MAF: variants seen among roughly 807,000 people sequenced by gnomAD.
MAF encodes the protein MAF bZIP transcription factor.
MAF carries 10 observed loss-of-function variants against 22.0 expected under a neutral mutation model. The ratio of observed to expected loss-of-function variants is 0.45; its 90% CI spans 0.28 to 0.77. MAF has a LOEUF of 0.77. MAF is among the 30% of genes least tolerant of loss of function. The pLI is 0.12. For synonymous variants in MAF, 337 were observed against 255.8 expected, an observed-to-expected ratio of 1.32 and a Z score of -3.03; for missense variants, 544 against 548.4, an observed-to-expected ratio of 0.99 and a Z score of 0.08.
the MAF span, among the ~76,000 whole-genome samples, chr16:79,467,255 T>G: frequency 6.6e-6 from 1 of 152,200 alleles, no homozygotes; most frequent in South Asian, 2.1e-4. Flanking sequence ...CCCAGTTAAA[T>G]AAAACACCCC....
At chr16:79,364,395 G>A in the MAF span, among the ~76,000 whole-genome samples, 1 of 152,156 alleles carries the variant, frequency 6.6e-6, no homozygotes, top group African/African-American at 2.4e-5. Context: ...TCCCGCACCT[G>A]TCACTAGTCA....
At chr16:79,493,193 G>GT in the MAF span, among the ~76,000 whole-genome samples, 1 of 141,194 alleles carries the variant, frequency 7.1e-6, no homozygotes, top group Non-Finnish European at 1.6e-5. Flanking sequence ...TTTTGTTTTT[G>GT]TTTTTTTGAG....
chr16:79,482,309 G>A, the MAF span, among the ~76,000 whole-genome samples: 3 of 152,066 alleles, frequency 2.0e-5, no homozygotes, highest in East Asian at 5.8e-4. Flanking sequence ...CTTCTGTTGG[G>A]GAAGTGTGGA....
chr16:79,361,868 G>A, the MAF span, among the ~76,000 whole-genome samples: 1 of 152,310 alleles, frequency 6.6e-6, no homozygotes. Context: ...CATCTTGTCT[G>A]TAGAAAGGAA....
the MAF span, among the ~76,000 whole-genome samples, chr16:79,341,478 C>T: frequency 6.6e-6 from 1 of 152,170 alleles, no homozygotes; most frequent in Non-Finnish European, 1.5e-5. Context: ...TCAACTCACA[C>T]CTCTTTGGTA....
chr16:79,222,784 C>T, the MAF span, among the ~76,000 whole-genome samples: 1 of 152,158 alleles, frequency 6.6e-6, no homozygotes, highest in Non-Finnish European at 1.5e-5. Flanking sequence ...AAGGGCATTA[C>T]ATAATGGTAA....
the MAF span, among the ~76,000 whole-genome samples, chr16:79,398,425 T>C: frequency 3.9e-5 from 6 of 152,186 alleles, no homozygotes; most frequent in African/African-American, 1.4e-4. Context: ...CCTCAGGGAT[T>C]AGAGCACAGA....
chr16:79,491,127 G>C, the MAF span, among the ~76,000 whole-genome samples: 1 of 152,260 alleles, frequency 6.6e-6, no homozygotes, highest in South Asian at 2.1e-4. Context: ...AGATAGGATG[G>C]GGTTATTGAG....
chr16:79,399,350 T>C, the MAF span, among the ~76,000 whole-genome samples: 7 of 152,168 alleles, frequency 4.6e-5, no homozygotes, highest in Admixed American at 2.0e-4. Context: ...ATCATCATCA[T>C]CACATGTCTT....
chr16:79,396,523 G>A, the MAF span, among the ~76,000 whole-genome samples: 1 of 152,210 alleles, frequency 6.6e-6, no homozygotes, highest in Admixed American at 6.5e-5. Flanking sequence ...CAATAGGAAG[G>A]CATTGTGTGG....
the MAF span, among the ~76,000 whole-genome samples, chr16:79,556,728 T>G: frequency 6.6e-6 from 1 of 152,172 alleles, no homozygotes; most frequent in African/African-American, 2.4e-5. Flanking sequence ...AATTAGATAA[T>G]CTCTTGGGTA....
the MAF span, among the ~76,000 whole-genome samples, chr16:79,530,871 T>C: frequency 6.6e-6 from 1 of 152,214 alleles, no homozygotes; most frequent in Non-Finnish European, 1.5e-5. Context: ...TGATTACTTG[T>C]GAGCCACTTC....
chr16:79,567,957 G>A, the MAF span, among the ~76,000 whole-genome samples: 1 of 152,206 alleles, frequency 6.6e-6, no homozygotes, highest in African/African-American at 2.4e-5. Flanking sequence ...AGGCAGGTTG[G>A]CCTTCTTGTA....
chr16:79,482,825 C>A, the MAF span, among the ~76,000 whole-genome samples: 1 of 145,196 alleles, frequency 6.9e-6, no homozygotes, highest in African/African-American at 2.6e-5. Context: ...GTAGGGCATA[C>A]ATCATACCCC....
At chr16:79,255,982 C>CTTTTT in the MAF span, among the ~76,000 whole-genome samples, 284 of 99,596 alleles carry the variant, frequency 2.9e-3, no homozygotes, top group South Asian at 5.0e-3. Flanking sequence ...CTTTTCTTTT[C>CTTTTT]TTTTTTTTTT....
the MAF span, among the ~76,000 whole-genome samples, chr16:79,487,356 G>C: frequency 6.6e-6 from 1 of 152,130 alleles, no homozygotes; most frequent in Non-Finnish European, 1.5e-5. Context: ...TGGGTGTTGA[G>C]AATATTCTAT....
At chr16:79,451,872 T>C in the MAF span, among the ~76,000 whole-genome samples, 1 of 152,214 alleles carries the variant, frequency 6.6e-6, no homozygotes, top group Non-Finnish European at 1.5e-5. Context: ...GCCATACAAC[T>C]ATATTCATTT....
chr16:79,248,285 G>C, the MAF span, among the ~76,000 whole-genome samples: 1 of 151,682 alleles, frequency 6.6e-6, no homozygotes, highest in Non-Finnish European at 1.5e-5. Flanking sequence ...TTGCTTTTTG[G>C]AATAAAGCAA....
chr16:79,355,384 A>G, the MAF span, among the ~76,000 whole-genome samples: 9 of 152,344 alleles, frequency 5.9e-5, 1 homozygote, highest in Middle Eastern at 3.4e-3. Flanking sequence ...GTTTTGCTCC[A>G]GTGGGATAAG....
Sources: gnomAD v4.1 joint callset for allele counts (sites outside exome capture counted in the v4.1 genomes callset) on GRCh38, gnomAD v4.1.1 for gene constraint, MANE v1.5 for transcripts, NCBI Gene and HGNC (gene_info 2026-07-23, HGNC 2026-07-21) for gene names.